Variants in ATF7IP2 observed in about 807,000 individuals in gnomAD.
ATF7IP2 encodes the protein activating transcription factor 7-interacting protein 2.
ATF7IP2 carries 42 observed loss-of-function variants against 64.2 expected under a neutral mutation model. The ratio of observed to expected loss-of-function variants is 0.65; its 90% confidence interval spans 0.51 to 0.85. ATF7IP2 has a LOEUF of 0.85. ATF7IP2 is among the 40% of genes least tolerant of loss of function. The pLI, the probability that ATF7IP2 is intolerant of heterozygous loss-of-function variation, is 0.00. For synonymous variants in ATF7IP2, 308 were observed against 272.8 expected (o/e 1.13, Z -1.27); for missense variants, 933 against 784.2 (o/e 1.19, Z -2.27).
rs1387676782 is a variant in ATF7IP2, at chr16:10,438,179, C to T, written c.1039C>T (p.Arg347Cys). 6 of 1,604,828 alleles carry T rather than the reference C, an allele frequency of 3.7e-6. No individual in the cohort carries two copies. The highest frequency in any genetic ancestry group is 1.3e-5 in the African/African-American group (1 of 74,232). Residue 347 changes from arginine (R) to cysteine (C), a missense_variant, in exon 7 of 14, where the codon CGC (arginine) becomes TGC (cysteine). By Grantham distance (180) the Arg-to-Cys change is radical (BLOSUM62 -3). Coordinates refer to ENST00000562102, the MANE Select transcript of ATF7IP2 (RefSeq NM_001393719.1). ...FDKKLKELNQRIGKTECRNKH... is the reference protein window; with the variant it reads ...FDKKLKELNQCIGKTECRNKH... ...TAAGAAACTGAAAGAATTGAACCAACGCATTGGGAAGACAGAGTGCAGAAA... is the reference window on the plus strand; with the variant it reads ...TAAGAAACTGAAAGAATTGAACCAATGCATTGGGAAGACAGAGTGCAGAAA...
intron 8 of ATF7IP2, chr16:10,448,112 T>C (rs1238236297): frequency 6.6e-6 from 1 of 152,228 alleles, no homozygotes; most frequent in Non-Finnish European, 1.5e-5. Flanking sequence ...AAGGCCTCTG[T>C]TCTGTTCCAT....
chr16:10,395,443 A>G (rs1335758516), intron 1 of ATF7IP2, among the ~76,000 whole-genome samples: 2 of 152,168 alleles, frequency 1.3e-5, no homozygotes, highest in Non-Finnish European at 2.9e-5. Context: ...TAATTCTGTA[A>G]GGCTAGTATT....
intron 1 of ATF7IP2, among the ~76,000 whole-genome samples, chr16:10,406,717 A>G (rs1015124543): frequency 2.6e-5 from 4 of 152,194 alleles, no homozygotes; most frequent in African/African-American, 9.6e-5. Context: ...AACCATTAAG[A>G]AATCAAAAAC....
At chr16:10,463,482 C>G (rs555586854) in intron 9 of ATF7IP2, among the ~76,000 whole-genome samples, 1 of 152,126 alleles carries the variant, frequency 6.6e-6, no homozygotes. Flanking sequence ...TGCTCTGGAG[C>G]AAGTTAACTG....
intron 1 of ATF7IP2, among the ~76,000 whole-genome samples, chr16:10,392,736 G>A (rs1470233925): frequency 6.6e-6 from 1 of 151,820 alleles, no homozygotes; most frequent in Non-Finnish European, 1.5e-5. Context: ...ATTGTCTAAT[G>A]TCAGCACTTT....
Position 10,472,149 on chromosome 16 carries a change from T to G in ATF7IP2, c.1392T>G (p.Pro464=). The G allele has an allele frequency of 6.4e-7, 1 of 1,574,450 alleles. No individual in the cohort carries two copies. Among genetic ancestry groups the G allele is most frequent in the Non-Finnish European group, 8.7e-7 (1 of 1,153,294 alleles). Residue 464 remains proline, a synonymous_variant, in exon 10 of 14, where the codon CCT becomes CCG. Coordinates refer to ENST00000562102, the MANE Select transcript of ATF7IP2 (RefSeq NM_001393719.1). ...DDVMLISVES[P]NLTTPITSNP... ...TTATGTTGATTTCTGTGGAAAGTCC[T>G]AATTTGACAACTCCAATTACATCAA... is the stretch of plus-strand genomic sequence containing the variant.
chr16:10,439,272 C>T (rs111265438), intron 7 of ATF7IP2, among the ~76,000 whole-genome samples: 1 of 150,920 alleles, frequency 6.6e-6, no homozygotes, highest in East Asian at 2.0e-4. Context: ...CTCTGTCGCC[C>T]AGGCTGGAGT....
At chr16:10,400,343 G>A (rs887946738) in intron 1 of ATF7IP2, among the ~76,000 whole-genome samples, 3 of 151,888 alleles carry the variant, frequency 2.0e-5, no homozygotes, top group Non-Finnish European at 4.4e-5. Context: ...GCCCAGCCGT[G>A]TGTTGATTTT....
Position 10,482,383 on chromosome 16 carries a change from T to C in ATF7IP2, c.*134T>C. The C allele has an allele frequency of 3.2e-6, 2 of 629,794 alleles. No individual in the cohort carries two copies. Among genetic ancestry groups the C allele is most frequent in the Non-Finnish European group, 5.3e-6 (2 of 375,908 alleles). The allele number at this position is 629,794 out of a possible 1,614,324, so 39.0% of individuals were successfully genotyped here. ...TCTATTGGGACAGTCCTCTTCTATA[T>C]GTTTTAAGTGGCCAGTAATTTAATG... is the stretch of plus-strand genomic sequence containing the variant. On this transcript the variant is annotated 3_prime_UTR_variant, in exon 14 of 14. Transcript: ENST00000562102.
intron 9 of ATF7IP2, among the ~76,000 whole-genome samples, chr16:10,459,924 A>G (rs1185882161): frequency 6.6e-6 from 1 of 152,204 alleles, no homozygotes; most frequent in Non-Finnish European, 1.5e-5. Flanking sequence ...GCCTTAGCTA[A>G]TGCAAGAATG....
At chr16:10,443,988 G>C (rs796631236) in intron 8 of ATF7IP2, among the ~76,000 whole-genome samples, 8 of 152,298 alleles carry the variant, frequency 5.3e-5, no homozygotes, top group African/African-American at 1.9e-4. Flanking sequence ...AGAGCTACAG[G>C]GTTTCAAATA....
chr16:10,422,570 T>A (rs1307440245), intron 3 of ATF7IP2, among the ~76,000 whole-genome samples: 1 of 152,232 alleles, frequency 6.6e-6, no homozygotes, highest in African/African-American at 2.4e-5. Context: ...CTTCAGGGGC[T>A]TTACGAACTT....
chr16:10,456,024 G>C (rs1037884841), intron 8 of ATF7IP2, among the ~76,000 whole-genome samples: 3 of 151,748 alleles, frequency 2.0e-5, no homozygotes, highest in Admixed American at 6.6e-5. Context: ...CTGTTGCCCA[G>C]GCTGGAGTGC....
chr16:10,434,462 C>A (rs2048353875), intron 6 of ATF7IP2, among the ~76,000 whole-genome samples: 2 of 152,080 alleles, frequency 1.3e-5, no homozygotes, highest in African/African-American at 2.4e-5. Context: ...AGAAACACTA[C>A]CATTTTTTAA....
intron 12 of ATF7IP2, among the ~76,000 whole-genome samples, chr16:10,478,299 A>C (rs2050085247): frequency 6.6e-6 from 1 of 151,490 alleles, no homozygotes; most frequent in African/African-American, 2.4e-5. Flanking sequence ...CTGGTACCAA[A>C]ACAGAGATAT....
chr16:10,478,662 C>A (rs971921898), intron 12 of ATF7IP2, among the ~76,000 whole-genome samples: 5 of 152,222 alleles, frequency 3.3e-5, no homozygotes, highest in African/African-American at 9.6e-5. Flanking sequence ...ATGGGATCTA[C>A]TTAAACTAAA....
intron 3 of ATF7IP2, among the ~76,000 whole-genome samples, chr16:10,422,219 C>T (rs2048000536): frequency 6.6e-6 from 1 of 152,216 alleles, no homozygotes; most frequent in African/African-American, 2.4e-5. Context: ...ATTGGCTTAT[C>T]TGTTAACCAT....
chr16:10,479,534 G>A (rs1239946597), intron 12 of ATF7IP2, among the ~76,000 whole-genome samples: 1 of 152,022 alleles, frequency 6.6e-6, no homozygotes, highest in Non-Finnish European at 1.5e-5. Flanking sequence ...ATAGCATTAG[G>A]AGATATACCT....
At chr16:10,412,010 G>GGTTTTTTTTTTTTTTTTTTTTT (rs1476575065) in intron 1 of ATF7IP2, among the ~76,000 whole-genome samples, 5 of 58,398 alleles carry the variant, frequency 8.6e-5, no homozygotes, top group African/African-American at 2.4e-4. Flanking sequence ...ATCTTTTTTT[G>GGTTTTTTTTTTTTTTTTTTTTT]TTTTTTTTTT....
Sources: gnomAD v4.1 joint callset for allele counts (sites outside exome capture counted in the v4.1 genomes callset) on GRCh38, gnomAD v4.1.1 for gene constraint, MANE v1.5 for transcripts, NCBI Gene and HGNC (gene_info 2026-07-23, HGNC 2026-07-21) for gene names.